The following PAGE2B variants were observed in gnomAD, a reference collection of about 807,000 sequenced individuals.
PAGE2B encodes PAGE family member 2B.
A neutral mutation model predicts 7.6 loss-of-function variants in PAGE2B; 5 were observed. The observed-to-expected ratio is 0.66, with a 90% CI of 0.34 to 1.38. The LOEUF (loss-of-function observed/expected upper bound fraction) is 1.38. Ranked by LOEUF, PAGE2B falls within the 40% of genes most tolerant of loss-of-function variation. The pLI is 0.04. For synonymous variants in PAGE2B, 29 were observed against 26.7 expected (o/e 1.09, Z -0.27); for missense variants, 70 against 78.4 (o/e 0.89, Z 0.41).
the PAGE2B span, among the ~76,000 whole-genome samples, chrX:55,037,290 CAT>C: frequency 1.8e-5 from 2 of 112,186 alleles, no homozygotes; most frequent in Non-Finnish European, 3.8e-5. Flanking sequence ...AGCCAAAAGA[CAT>C]ATGAAAAAAT....
chrX:55,035,344 G>A, the PAGE2B span, among the ~76,000 whole-genome samples: 3 of 111,922 alleles, frequency 2.7e-5, no homozygotes, highest in Non-Finnish European at 5.6e-5. Context: ...AAGTTTAAAA[G>A]TCCCTAAGGT....
the PAGE2B span, among the ~76,000 whole-genome samples, chrX:55,049,883 C>A: frequency 9.0e-6 from 1 of 111,687 alleles, no homozygotes; most frequent in African/African-American, 3.3e-5. Context: ...TTTCCTAGTT[C>A]TTTTAATTGT....
the PAGE2B span, among the ~76,000 whole-genome samples, chrX:55,069,458 T>A: frequency 9.1e-3 from 1,018 of 111,674 alleles, 12 homozygotes; most frequent in African/African-American, 0.032. Flanking sequence ...TTATTGAGGA[T>A]TTTTGGATCA....
At chrX:55,041,685 C>A in the PAGE2B span, among the ~76,000 whole-genome samples, 2 of 111,716 alleles carry the variant, frequency 1.8e-5, no homozygotes, top group Non-Finnish European at 3.8e-5. Flanking sequence ...CCCCTATGCT[C>A]CCCCACACAG....
chrX:55,042,619 A>ACT, the PAGE2B span, among the ~76,000 whole-genome samples: 1 of 77,410 alleles, frequency 1.3e-5, no homozygotes, highest in African/African-American at 5.1e-5. Flanking sequence ...CCGCCACTGC[A>ACT]CTCCAGCCTG....
At chrX:55,075,279 T>G (rs1398210849) in intron 1 of PAGE2B, among the ~76,000 whole-genome samples, 165 bp downstream of exon 1, 12 of 111,396 alleles carry the variant, frequency 1.1e-4, no homozygotes, top group Non-Finnish European at 5.7e-5. Flanking sequence ...CCGTGGGACT[T>G]GTCGTCGTGG....
chrX:55,057,913 A>T, the PAGE2B span, among the ~76,000 whole-genome samples: 2 of 111,481 alleles, frequency 1.8e-5, no homozygotes, highest in Non-Finnish European at 3.8e-5. Flanking sequence ...CTGCTGTATG[A>T]CGGGTTTTAG....
At chrX:55,041,121 G>A in the PAGE2B span, among the ~76,000 whole-genome samples, 42 of 87,437 alleles carry the variant, frequency 4.8e-4, no homozygotes, top group African/African-American at 1.5e-3. Flanking sequence ...TTTCTCTGTC[G>A]CCCAGGCTGG....
the PAGE2B span, among the ~76,000 whole-genome samples, chrX:55,040,884 C>T: frequency 9.0e-6 from 1 of 110,899 alleles, no homozygotes; most frequent in East Asian, 2.8e-4. Context: ...TTGCGTTCTT[C>T]CCCCAAATCT....
At chrX:55,037,148 C>T in the PAGE2B span, among the ~76,000 whole-genome samples, 1 of 111,696 alleles carries the variant, frequency 9.0e-6, no homozygotes, top group Non-Finnish European at 1.9e-5. Flanking sequence ...TTGCAATCTA[C>T]TCATCTGACA....
At chrX:55,067,021 T>C in the PAGE2B span, among the ~76,000 whole-genome samples, 1 of 108,618 alleles carries the variant, frequency 9.2e-6, no homozygotes, top group Non-Finnish European at 1.9e-5. Context: ...ATTTTCAAGC[T>C]GACTAATTCT....
In PAGE2B at chrX:55,076,083, A is replaced by T; in HGVS notation, c.42A>T (p.Arg14Ser). The change falls in exon 2 of 5, where the codon AGA becomes AGT. Residue 14 changes from arginine to serine, a missense_variant. Physicochemically the swap from Arg to Ser is moderately radical, Grantham distance 110. Coordinates refer to ENST00000374971, the MANE Select transcript of PAGE2B (RefSeq NM_001015038.3). Reference protein sequence around the residue: ...HVRTRSQSSERGNDQESSQPV... With the variant: ...HVRTRSQSSESGNDQESSQPV... ...GAACAAGATCCCAATCCTCAGAAAG[A>T]GGAAATGACCAAGAGTCTTCCCAGC... The T allele has an allele frequency of 8.3e-7, 1 of 1,210,526 alleles. No homozygotes were observed. Among genetic ancestry groups the T allele is most frequent in the East Asian group, 3.0e-5 (1 of 33,854 alleles).
At chrX:55,053,026 A>T in the PAGE2B span, among the ~76,000 whole-genome samples, 1 of 112,824 alleles carries the variant, frequency 8.9e-6, no homozygotes, top group African/African-American at 3.2e-5. Flanking sequence ...GTACTTCTAC[A>T]ATGTGGCAAA....
the PAGE2B span, among the ~76,000 whole-genome samples, chrX:55,039,439 A>T: frequency 9.0e-6 from 1 of 110,802 alleles, no homozygotes; most frequent in African/African-American, 3.3e-5. Context: ...AATGTGGTAT[A>T]TACATACCAA....
the PAGE2B span, among the ~76,000 whole-genome samples, chrX:55,058,125 T>C: frequency 3.6e-5 from 4 of 110,803 alleles, no homozygotes; most frequent in African/African-American, 1.3e-4. Flanking sequence ...TATACTCCCA[T>C]ATGATTTCAG....
At chrX:55,053,736 C>T in the PAGE2B span, among the ~76,000 whole-genome samples, 1 of 111,446 alleles carries the variant, frequency 9.0e-6, no homozygotes, top group Non-Finnish European at 1.9e-5. Context: ...ATTTTTTCTA[C>T]ATTCCAATGC....
the PAGE2B span, among the ~76,000 whole-genome samples, chrX:55,063,141 C>A: frequency 9.0e-6 from 1 of 111,003 alleles, no homozygotes; most frequent in African/African-American, 3.3e-5. Context: ...TGAAGAATAT[C>A]ATTGGTATTT....
At chrX:55,064,929 A>T in the PAGE2B span, among the ~76,000 whole-genome samples, 3 of 111,133 alleles carry the variant, frequency 2.7e-5, no homozygotes, top group Non-Finnish European at 3.8e-5. Flanking sequence ...TATTATTTCA[A>T]TTTTTTGCGT....
chrX:55,067,777 T>A, the PAGE2B span, among the ~76,000 whole-genome samples: 68 of 112,435 alleles, frequency 6.0e-4, 1 homozygote, highest in Non-Finnish European at 1.2e-3. Context: ...CTCATTGTGG[T>A]TTTGATTTGC....
Sources: allele counts gnomAD v4.1 joint callset (sites outside exome capture counted in the v4.1 genomes callset), GRCh38; gene constraint gnomAD v4.1.1; transcripts MANE v1.5; gene names NCBI Gene and HGNC (gene_info 2026-07-23, HGNC 2026-07-21).